Variants in DOCK5 observed in about 807,000 individuals in gnomAD.
DOCK5 encodes dedicator of cytokinesis 5, also known as dedicator of cytokinesis protein 5.
In DOCK5, 142 loss-of-function variants were observed where a neutral mutation model predicts 251.8. The ratio of observed to expected loss-of-function variants is 0.56; its 90% CI spans 0.49 to 0.65. DOCK5 has a LOEUF of 0.65. DOCK5 is among the 30% of genes least tolerant of loss of function. The probability of loss-of-function intolerance (pLI) is 0.00; values close to 1 mark genes in which losing one functional copy is unlikely to be tolerated. For synonymous variants in DOCK5, 842 were observed against 835.5 expected, an observed-to-expected ratio of 1.01 and a Z score of -0.13; for missense variants, 2,111 against 2,312.3, an observed-to-expected ratio of 0.91 and a Z score of 1.79.
intron 20 of DOCK5, 79 bp from the exon 21 acceptor site, chr8:25,334,017 C>G (rs892544182): frequency 7.7e-6 from 8 of 1,040,928 alleles, no homozygotes; most frequent in South Asian, 6.5e-5. Flanking sequence ...AAGAAGGCAC[C>G]GAGATGTTAA....
chr8:25,370,209 G>T (rs2117282690), intron 34 of DOCK5, among the ~76,000 whole-genome samples: 1 of 152,216 alleles, frequency 6.6e-6, no homozygotes, highest in East Asian at 1.9e-4. Context: ...GCCCTCCTTG[G>T]CACATGTGGA....
intron 1 of DOCK5, among the ~76,000 whole-genome samples, chr8:25,227,307 A>G (rs1802555758): frequency 1.3e-5 from 2 of 151,944 alleles, no homozygotes; most frequent in South Asian, 4.2e-4. Context: ...GAAGTTGAGT[A>G]GCTTTTATAA....
intron 11 of DOCK5, among the ~76,000 whole-genome samples, chr8:25,308,184 C>T (rs766136423): frequency 3.3e-5 from 5 of 152,034 alleles, no homozygotes; most frequent in Admixed American, 1.3e-4. Flanking sequence ...CTTTACAAGC[C>T]GCAGCCTGAT....
chr8:25,266,100 C>G (rs1327817558), intron 2 of DOCK5, among the ~76,000 whole-genome samples: 1 of 151,858 alleles, frequency 6.6e-6, no homozygotes, highest in Non-Finnish European at 1.5e-5. Context: ...TATCCCCTCA[C>G]GATTCCCTTT....
intron 29 of DOCK5, among the ~76,000 whole-genome samples, chr8:25,363,855 G>A (rs1384202689): frequency 6.6e-6 from 1 of 152,200 alleles, no homozygotes; most frequent in Non-Finnish European, 1.5e-5. Flanking sequence ...TATTCCATAA[G>A]GTTCTTCTGA....
chr8:25,401,342 A>G (rs1801435107), intron 47 of DOCK5, among the ~76,000 whole-genome samples: 1 of 152,122 alleles, frequency 6.6e-6, no homozygotes, highest in African/African-American at 2.4e-5. Flanking sequence ...TTATGATTCC[A>G]TAGATCTGGG....
intron 28 of DOCK5, among the ~76,000 whole-genome samples, chr8:25,362,056 C>T (rs1284165090): frequency 1.3e-5 from 2 of 152,174 alleles, no homozygotes; most frequent in Non-Finnish European, 2.9e-5. Context: ...CTCACAGCCC[C>T]CTTTGGAGCA....
chr8:25,376,020 C>T (rs1800956400), intron 37 of DOCK5: 1 of 895,340 alleles, frequency 1.1e-6, no homozygotes, highest in Non-Finnish European at 1.3e-6. Context: ...ATCATTTGAA[C>T]CTGCAAGGCG....
intron 37 of DOCK5, chr8:25,375,657 A>G (rs901402486): frequency 4.0e-5 from 39 of 978,126 alleles, no homozygotes; most frequent in Non-Finnish European, 4.3e-5. Context: ...GTTCTCAGCT[A>G]TTAATATTCT....
rs1217838295 is a variant in DOCK5, at chr8:25,308,873, T to G, written c.1140T>G (p.Thr380=). 2 of 1,613,886 alleles carry G rather than the reference T, an allele frequency of 1.2e-6. No individual in the cohort carries two copies. The highest frequency in any genetic ancestry group is 2.2e-5 in the East Asian group (1 of 44,862). The change falls in exon 12 of 52, where the codon ACT becomes ACG. Residue 380 remains threonine (T), a synonymous_variant. Transcript: ENST00000276440. ...SHVIGENEPL[T]SVLNKVIAAK... The stretch of plus-strand genomic sequence containing the variant: ...TGATTGGGGAGAATGAGCCACTCAC[T>G]TCAGTCTTGAATAAAGTGATTGCAG...
chr8:25,341,740 G>T lies in DOCK5; in HGVS notation c.2441G>T (p.Gly814Val), dbSNP rs1474459017. ...RPLEEAVKIK[G>V]AALKYLPSII... ...TTGCCTTTGGTGTTTTTCTTACAGG[G>T]GGCAGCTTTGAAGTACCTTCCTAGC... Residue 814 changes from glycine (G) to valine (V), a missense_variant and splice_region_variant, in exon 24 of 52, where the codon GGG (glycine) becomes GTG (valine). Around this residue, in one of 3 missense-constraint regions of DOCK5, gnomAD observed 1,717 missense variants for 1,892.4 expected, o/e 0.91. Coordinates refer to ENST00000276440, the MANE Select transcript of DOCK5 (RefSeq NM_024940.8). The T allele has an allele frequency of 1.3e-6, 2 of 1,575,138 alleles. No homozygotes were observed. The highest frequency in any genetic ancestry group is 2.7e-5 in the African/African-American group (2 of 74,188).
At chr8:25,307,179 G>A (rs1804965804) in intron 11 of DOCK5, among the ~76,000 whole-genome samples, 1 of 151,908 alleles carries the variant, frequency 6.6e-6, no homozygotes, top group Non-Finnish European at 1.5e-5. Flanking sequence ...GAATGCAGTG[G>A]CGTGATCTCC....
intron 6 of DOCK5, among the ~76,000 whole-genome samples, chr8:25,294,277 G>A (rs773732820): frequency 8.5e-5 from 13 of 152,292 alleles, no homozygotes; most frequent in Non-Finnish European, 1.9e-4. Context: ...GAGTCTGGGT[G>A]GCCTGTGGGT....
chr8:25,333,314 G>A (rs1023571817), intron 20 of DOCK5, among the ~76,000 whole-genome samples: 1 of 152,210 alleles, frequency 6.6e-6, no homozygotes, highest in Non-Finnish European at 1.5e-5. Flanking sequence ...CAGCTGAGGA[G>A]GAAGGTCAGT....
Position 25,358,834 on chromosome 8 carries a change from G to A in DOCK5, c.2851-129G>A, listed in dbSNP as rs956339599. ...CCTTTGGACCTTTAGAATGCAGCGT[G>A]TTTCCAGTGTGGTGGGATACCTGCG... On this transcript the variant is annotated intron_variant, in intron 27 of 51. Transcript: ENST00000276440. The A allele has an allele frequency of 7.9e-6, 6 of 754,852 alleles. No homozygotes were observed. The African/African-American group carries it at 1.0e-4, about 13-fold the overall frequency. 46.8% of individuals were successfully genotyped at this position (754,852 alleles called of 1,614,324 possible).
intron 13 of DOCK5, among the ~76,000 whole-genome samples, chr8:25,312,905 G>A (rs1805140539): frequency 6.6e-6 from 1 of 152,000 alleles, no homozygotes; most frequent in Non-Finnish European, 1.5e-5. Flanking sequence ...ACTCCAGCCT[G>A]GGCAACAGAG....
rs769947361 is a variant in DOCK5 at position 25,308,800 on chromosome 8, A to G, written c.1067A>G (p.Tyr356Cys). ...IPFQQIAMET[Y>C]IRQRQLIMSP... ...TTCCCAAGAATTGCGATGGAAACCT[A>G]CATCCGCCAGAGGCAGCTCATCATG... The change falls in exon 12 of 52, where the codon TAC becomes TGC. Residue 356 changes from tyrosine (Y) to cysteine (C), a missense_variant. This residue lies in a region of DOCK5 where 1,717 missense variants were observed against 1,892.4 expected (regional missense o/e 0.91). Transcript: ENST00000276440. 3.1e-6 allele frequency: 5 copies of G among 1,613,736 alleles called. No homozygotes were observed. The African/African-American group carries it at 4.0e-5, about 13-fold the overall frequency.
chr8:25,392,021 G>T, intron 43 of DOCK5, 41 bp downstream of exon 43: 3 of 1,588,814 alleles, frequency 1.9e-6, no homozygotes, highest in Non-Finnish European at 2.6e-6. Flanking sequence ...TAAAATTAAC[G>T]GGCTGAGCAC....
intron 2 of DOCK5, among the ~76,000 whole-genome samples, chr8:25,266,175 T>C (rs1333160264): frequency 6.6e-6 from 1 of 151,804 alleles, no homozygotes; most frequent in African/African-American, 2.4e-5. Context: ...CACCCACCGA[T>C]TGCAGCTACT....
Sources: gnomAD v4.1 joint callset for allele counts (sites outside exome capture counted in the v4.1 genomes callset) on GRCh38, gnomAD v4.1.1 for gene constraint, gnomAD v4.1.1 regional missense constraint, MANE v1.5 for transcripts, NCBI Gene and HGNC (gene_info 2026-07-23, HGNC 2026-07-21) for gene names.